The following SP1 variants were observed in gnomAD, a reference collection of about 807,000 sequenced individuals.
SP1 encodes transcription factor Sp1.
SP1 carries 6 observed loss-of-function variants against 66.3 expected under a neutral mutation model. That is an observed-to-expected ratio of 0.09 (90% CI 0.05 to 0.18). The LOEUF (loss-of-function observed/expected upper bound fraction) is 0.18, where lower values mean the gene tolerates loss of function less well. Among genes scored for constraint, SP1 ranks in the 10% least tolerant of loss-of-function variants. The pLI is 1.00. For missense variants in SP1, 848 were observed against 964.5 expected (o/e 0.88, Z 1.60); for synonymous variants, 417 against 360.8 (o/e 1.16, Z -1.77).
chr12:53,409,293 C>T, intron 4 of SP1, 69 bp from the exon 5 acceptor site: 1 of 1,286,962 alleles, frequency 7.8e-7, no homozygotes, highest in South Asian at 1.3e-5. Context: ...TGGGTGATTG[C>T]TGTTGATACT....
At position 53,382,915 on chromosome 12, in the gene SP1, A is replaced by C; in HGVS notation, c.968A>C (p.Asn323Thr). Residue 323 changes from asparagine (N) to threonine (T), a missense_variant, in exon 3 of 6, where the codon AAT becomes ACT. Coordinates refer to ENST00000327443, the MANE Select transcript of SP1 (RefSeq NM_138473.3). ...SQASSSSFFT[N>T]ANSYSTTTTT... is the part of the protein sequence containing the mutation. ...GCCAGTTCCAGCTCCTTTTTCACCAATGCCAATAGCTACTCAACTACTACT... is the reference window on the plus strand; with the variant it reads ...GCCAGTTCCAGCTCCTTTTTCACCACTGCCAATAGCTACTCAACTACTACT... 2 of 1,614,128 alleles carry C rather than the reference A, an allele frequency of 1.2e-6. No individual in the cohort carries two copies. The highest frequency in any genetic ancestry group is 1.7e-6 in the Non-Finnish European group (2 of 1,180,010).
At chr12:53,381,907 G>C (rs1189711069) in intron 2 of SP1, 94 bp downstream of exon 2, 40 of 1,404,902 alleles carry the variant, frequency 2.8e-5, no homozygotes, top group Non-Finnish European at 2.4e-5. Context: ...TTTAGGGAGA[G>C]ACTAAACCAT....
chr12:53,410,899 G>C, intron 5 of SP1, 28 bp from the exon 6 acceptor site: 5 of 1,568,162 alleles, frequency 3.2e-6, no homozygotes, highest in Non-Finnish European at 3.5e-6. Flanking sequence ...TAACATGTCA[G>C]CTTCTTATCT....
At chr12:53,407,242 A>C (rs1019231285) in intron 4 of SP1, among the ~76,000 whole-genome samples, 1 of 151,974 alleles carries the variant, frequency 6.6e-6, no homozygotes, top group African/African-American at 2.4e-5. Flanking sequence ...CAGCCTCAGC[A>C]AGAAAGCGAG....
At chr12:53,380,715 C>A (rs571217329) in intron 1 of SP1, 83 of 966,772 alleles carry the variant, frequency 8.6e-5, no homozygotes, top group Non-Finnish European at 1.0e-4. Context: ...CCTCCTCCCC[C>A]CACTTTCCGT....
chr12:53,402,101 C>T (rs1199456799), intron 3 of SP1, among the ~76,000 whole-genome samples: 1 of 152,154 alleles, frequency 6.6e-6, no homozygotes, highest in East Asian at 1.9e-4. Context: ...TAAGTTTCTC[C>T]TACTCCAAAA....
At position 53,411,302 on chromosome 12, in the gene SP1, G is replaced by A; in HGVS notation, c.*62G>A. 7.4e-7 allele frequency: 1 copy of A among 1,358,218 alleles called. No homozygotes were observed. The highest frequency in any genetic ancestry group is 2.3e-5 in the East Asian group (1 of 43,464). The allele number at this position is 1,358,218 out of a possible 1,614,324, so 84.1% of individuals were successfully genotyped here. A position where few individuals can be genotyped will look rare whatever the true frequency, so the allele number is the denominator to read the frequency against. On this transcript the variant is annotated 3_prime_UTR_variant, in exon 6 of 6. Coordinates refer to ENST00000327443, the MANE Select transcript of SP1 (RefSeq NM_138473.3). The stretch of plus-strand genomic sequence containing the variant: ...CCCCTTAACCCCGGGATGCAAGGTA[G>A]CATGGGTCCAAGAGACATGGAAGAG...
At position 53,416,443 on chromosome 12, in the gene SP1, A is replaced by T. The variant is rs1170680944; in HGVS notation, c.*5203A>T. ...AACCAATTAAAAAGTTTTTTAATAA[A>T]AAACCATGTCTCTGGTGTATTGAAG... On this transcript the variant is annotated 3_prime_UTR_variant, in exon 6 of 6. Coordinates refer to ENST00000327443, the MANE Select transcript of SP1 (RefSeq NM_138473.3). 6.6e-6 allele frequency: 1 copy of T among 152,436 alleles called. No homozygotes were observed. Among genetic ancestry groups the T allele is most frequent in the African/African-American group, 2.4e-5 (1 of 41,378 alleles). The allele number at this position is 152,436 out of a possible 1,614,324, so 9.4% of individuals were successfully genotyped here.
rs778955443 is a variant in SP1 at position 53,382,947 on chromosome 12, A to G, written c.1000A>G (p.Ser334Gly). 2.0e-5 allele frequency: 32 copies of G among 1,614,012 alleles called. No individual in the cohort carries two copies. Among genetic ancestry groups the G allele is most frequent in the Non-Finnish European group, 2.5e-5 (30 of 1,180,026 alleles). ...TAGCTACTCAACTACTACTACCACC[A>G]GCAACATGGGAATTATGAACTTTAC... ...ANSYSTTTTT[S>G]NMGIMNFTTS... Residue 334 changes from serine to glycine, a missense_variant, in exon 3 of 6, where the codon AGC (serine) becomes GGC (glycine). Physicochemically the swap from Ser to Gly is moderately conservative, Grantham distance 56. Around this residue, in one of 7 missense-constraint regions of SP1, gnomAD observed 606 missense variants for 589.9 expected, o/e 1.03. Transcript: ENST00000327443.
intron 2 of SP1, 62 bp downstream of exon 2, chr12:53,381,875 C>T: frequency 1.9e-6 from 3 of 1,541,590 alleles, no homozygotes; most frequent in East Asian, 2.3e-5. Context: ...TAGATAATTG[C>T]CTTACTCTTC....
At chr12:53,381,512 C>T (rs1464883412) in intron 1 of SP1, 147 bp from the exon 2 acceptor site, 2 of 649,036 alleles carry the variant, frequency 3.1e-6, no homozygotes, top group Non-Finnish European at 5.1e-6. Context: ...CTGCAGCTCC[C>T]CTCTGCCCTC....
intron 1 of SP1, chr12:53,380,759 G>T: frequency 1.9e-6 from 1 of 537,950 alleles, no homozygotes; most frequent in Non-Finnish European, 2.1e-6. Context: ...CCACCGTCCC[G>T]CCCTTTCCAC....
chr12:53,407,324 A>C (rs901674698), intron 4 of SP1, among the ~76,000 whole-genome samples: 1 of 151,780 alleles, frequency 6.6e-6, no homozygotes, highest in Non-Finnish European at 1.5e-5. Flanking sequence ...AAATGAAAAA[A>C]AAAAAAATTT....
intron 1 of SP1, chr12:53,381,182 AC>A (rs1171080621): frequency 6.6e-6 from 1 of 152,010 alleles, no homozygotes. Context: ...AAAACTCCCG[AC>A]CCCAGGTGAT....
rs1938134485 is a variant in SP1, at chr12:53,382,699, A to G, written c.752A>G (p.Gln251Arg). The G allele has an allele frequency of 1.9e-6, 3 of 1,614,182 alleles. No individual in the cohort carries two copies. The highest frequency in any genetic ancestry group is 2.5e-6 in the Non-Finnish European group (3 of 1,180,028). Residue 251 changes from glutamine to arginine, a missense_variant, in exon 3 of 6, where the codon CAG (glutamine) becomes CGG (arginine). Gln to Arg is a conservative substitution (Grantham distance 43, BLOSUM62 1). Coordinates refer to ENST00000327443, the MANE Select transcript of SP1 (RefSeq NM_138473.3). ...AATAATGTACTCTCAGGACAGACTC[A>G]GTATGTGACCAATGTACCAGTGGCC... ...LANNVLSGQT[Q>R]YVTNVPVALN...
intron 4 of SP1, 97 bp downstream of exon 4, chr12:53,406,850 A>G (rs1938751016): frequency 9.6e-7 from 1 of 1,037,846 alleles, no homozygotes; most frequent in East Asian, 2.7e-5. Flanking sequence ...TTTGAGACCG[A>G]GTCTGACTCT....
chr12:53,414,415 C>T lies in SP1; in HGVS notation c.*3175C>T, dbSNP rs1014243990. 2 of 152,598 alleles carry T rather than the reference C, an allele frequency of 1.3e-5. No individual in the cohort carries two copies. The highest frequency in any genetic ancestry group is 4.8e-5 in the African/African-American group (2 of 41,438). The allele number at this position is 152,598 out of a possible 1,614,324, so 9.5% of individuals were successfully genotyped here. On this transcript the variant is annotated 3_prime_UTR_variant, in exon 6 of 6. Coordinates refer to ENST00000327443, the MANE Select transcript of SP1 (RefSeq NM_138473.3). The stretch of plus-strand genomic sequence containing the variant: ...TCCAACTGGCACTCTGTGGGTGCTA[C>T]ACAGAATGCAATTTAATGGATATTT...
At position 53,394,179 on chromosome 12, in the gene SP1, C is replaced by T. The variant is rs539421774; in HGVS notation, c.1675+10557C>T. On this transcript the variant is annotated intron_variant, in intron 3 of 5. Transcript: ENST00000327443. Reference sequence around the variant, plus strand: ...GCAGTGAGCCAAGATTGAACCATTGCACTCCAGCCTGGGCAACAAGACCGA... The same window carrying T: ...GCAGTGAGCCAAGATTGAACCATTGTACTCCAGCCTGGGCAACAAGACCGA... 6.6e-5 allele frequency among the ~76,000 whole-genome samples: 10 copies of T among 151,808 alleles called. 1 individual carries two copies. The highest frequency in any genetic ancestry group is 2.4e-4 in the African/African-American group (10 of 41,402).
chr12:53,415,735 A>G lies in SP1; in HGVS notation c.*4495A>G, dbSNP rs181609163. 2.9e-4 allele frequency: 44 copies of G among 152,140 alleles called. No individual in the cohort carries two copies. The highest frequency in any genetic ancestry group is 2.4e-3 in the Admixed American group (36 of 15,226). 9.4% of individuals were successfully genotyped at this position (152,140 alleles called of 1,614,324 possible). On this transcript the variant is annotated 3_prime_UTR_variant, in exon 6 of 6. Coordinates refer to ENST00000327443, the MANE Select transcript of SP1 (RefSeq NM_138473.3). ...CCTCTGCTGGGATGTGTGCTTTCCC[A>G]TATCTTGCCTTCAGGAATTACACTG...
Sources: gnomAD v4.1 joint callset for allele counts (sites outside exome capture counted in the v4.1 genomes callset) on GRCh38, gnomAD v4.1.1 for gene constraint, gnomAD v4.1.1 regional missense constraint, MANE v1.5 for transcripts, NCBI Gene and HGNC (gene_info 2026-07-23, HGNC 2026-07-21) for gene names.